Variants in STPG2 observed in about 807,000 individuals in gnomAD.
STPG2 encodes sperm-tail PG-rich repeat-containing protein 2.
STPG2 carries 56 observed loss-of-function variants against 54.2 expected under a neutral mutation model. The observed-to-expected ratio is 1.03, with a 90% CI of 0.83 to 1.29. The LOEUF is 1.29. Among genes scored for constraint, STPG2 ranks in the 50% most tolerant of loss-of-function variants. The pLI, the probability that STPG2 is intolerant of heterozygous loss-of-function variation, is 0.00. For missense variants in STPG2, 596 were observed against 544.9 expected (o/e 1.09, Z -0.93); for synonymous variants, 200 against 181.8 (o/e 1.10, Z -0.81).
chr4:97,841,741 G>A (rs183992815), intron 8 of STPG2, among the ~76,000 whole-genome samples: 18 of 151,872 alleles, frequency 1.2e-4, no homozygotes, highest in South Asian at 6.2e-4. Flanking sequence ...AATATCTGCT[G>A]CTTACTAGCT....
chr4:97,782,497 T>C (rs574321939), intron 9 of STPG2, among the ~76,000 whole-genome samples: 1 of 152,164 alleles, frequency 6.6e-6, no homozygotes, highest in African/African-American at 2.4e-5. Context: ...AAAATGGCGA[T>C]ACTGACCAAG....
intron 4 of STPG2, among the ~76,000 whole-genome samples, chr4:97,541,813 A>C (rs1483849205): frequency 6.6e-6 from 1 of 152,110 alleles, no homozygotes; most frequent in African/African-American, 2.4e-5. Flanking sequence ...CAGAAATAAT[A>C]CCACACATCT....
chr4:97,845,077 T>C (rs1482551035), intron 8 of STPG2, among the ~76,000 whole-genome samples: 1 of 151,962 alleles, frequency 6.6e-6, no homozygotes, highest in Non-Finnish European at 1.5e-5. Context: ...TGCTAGCATG[T>C]TTTTCTTTAA....
chr4:97,903,273 G>C lies in STPG2; in HGVS notation c.1044+40624C>G, dbSNP rs558755952. Among the ~76,000 whole-genome samples the C allele has an allele frequency of 3.3e-5, 5 of 152,180 alleles. 1 individual carries two copies. The East Asian group carries it at 7.7e-4, about 23-fold the overall frequency. On this transcript the variant is annotated intron_variant, in intron 8 of 10. Transcript: ENST00000295268. ...GATAATGGATATGATAATATGATTA[G>C]TTGTGGCAATTATTCTACAATGTAT...
chr4:97,943,806 C>T (rs181835924), intron 8 of STPG2, 91 bp downstream of exon 8: 2 of 929,214 alleles, frequency 2.2e-6, no homozygotes, highest in Non-Finnish European at 3.2e-6. Flanking sequence ...TACCAGTTAC[C>T]TCACTCAGGT....
At chr4:98,026,720 C>T (rs571800877) in intron 5 of STPG2, among the ~76,000 whole-genome samples, 1 of 152,184 alleles carries the variant, frequency 6.6e-6, no homozygotes, top group Non-Finnish European at 1.5e-5. Context: ...GCTATGCCCT[C>T]TCCAGTGAGA....
chr4:97,872,495 C>G (rs180978933), intron 8 of STPG2, among the ~76,000 whole-genome samples: 24 of 151,050 alleles, frequency 1.6e-4, no homozygotes, highest in Middle Eastern at 3.5e-3. Context: ...AGAAGACACT[C>G]TAAGTAGAAA....
At chr4:97,586,868 C>T (rs1733014561) in intron 10 of STPG2, among the ~76,000 whole-genome samples, 1 of 151,864 alleles carries the variant, frequency 6.6e-6, no homozygotes, top group Non-Finnish European at 1.5e-5. Flanking sequence ...AATCTTGGAG[C>T]ATCGGCAAGG....
chr4:97,903,279 G>A (rs576906950), intron 8 of STPG2, among the ~76,000 whole-genome samples: 1 of 151,964 alleles, frequency 6.6e-6, no homozygotes, highest in South Asian at 2.1e-4. Flanking sequence ...ATTAGTTGTG[G>A]CAATTATTCT....
intron 8 of STPG2, among the ~76,000 whole-genome samples, chr4:97,919,448 T>TA (rs35578226): frequency 0.37 from 56,137 of 150,246 alleles, 10,547 homozygotes; most frequent in Middle Eastern, 0.46. Flanking sequence ...ACAGAAAAAT[T>TA]AAAAAAAAGA....
intron 9 of STPG2, among the ~76,000 whole-genome samples, chr4:97,839,281 CAG>C (rs1728723034): frequency 6.6e-6 from 1 of 151,556 alleles, no homozygotes; most frequent in South Asian, 2.1e-4. Context: ...CTGTGAAAAA[CAG>C]AAACTAATGA....
intron 10 of STPG2, among the ~76,000 whole-genome samples, chr4:97,687,324 T>C (rs1448194433): frequency 6.6e-6 from 1 of 151,446 alleles, no homozygotes; most frequent in Non-Finnish European, 1.5e-5. Flanking sequence ...CTGAATCTTT[T>C]TTTTTTTTCT....
At chr4:97,843,330 A>AT (rs1455022946) in intron 8 of STPG2, among the ~76,000 whole-genome samples, 2 of 151,866 alleles carry the variant, frequency 1.3e-5, no homozygotes, top group Admixed American at 1.3e-4. Context: ...TCCTGGTCTC[A>AT]TTTTTTAGCT....
intron 8 of STPG2, among the ~76,000 whole-genome samples, chr4:97,934,485 T>C (rs1031826585): frequency 6.6e-6 from 1 of 152,210 alleles, no homozygotes; most frequent in Non-Finnish European, 1.5e-5. Flanking sequence ...CAGTATGATA[T>C]TAGCTGCAGG....
chr4:97,792,936 G>A (rs1369606544), intron 9 of STPG2, among the ~76,000 whole-genome samples: 4 of 152,088 alleles, frequency 2.6e-5, no homozygotes, highest in African/African-American at 9.7e-5. Context: ...CAGATTGCAT[G>A]AGGTCAGGAG....
chr4:97,619,990 A>G (rs541292121), intron 10 of STPG2, among the ~76,000 whole-genome samples: 8 of 151,772 alleles, frequency 5.3e-5, no homozygotes, highest in African/African-American at 1.9e-4. Flanking sequence ...TGCCTGGCTA[A>G]TTTTTTGTAT....
chr4:97,679,774 T>C (rs1350661992), intron 10 of STPG2, among the ~76,000 whole-genome samples: 2 of 152,216 alleles, frequency 1.3e-5, no homozygotes, highest in Admixed American at 1.3e-4. Context: ...AATGTTTAAG[T>C]CTTTAATCCA....
chr4:98,117,496 C>T lies in STPG2; in HGVS notation c.388-8191G>A, dbSNP rs76910420. Among the ~76,000 whole-genome samples, 870 of 152,010 alleles carry T rather than the reference C, an allele frequency of 5.7e-3. 9 individuals are homozygous for T. The highest frequency in any genetic ancestry group is 0.02 in the African/African-American group (834 of 41,486). ...GGGATGTTTTCAGCCATGATTTCTT[C>T]AAATATTCTCTTTTCTCCTTCCTCT... On this transcript the variant is annotated intron_variant, in intron 3 of 10. Transcript: ENST00000295268.
chr4:97,744,690 GA>G, intron 9 of STPG2, among the ~76,000 whole-genome samples: 1 of 151,260 alleles, frequency 6.6e-6, no homozygotes, highest in African/African-American at 2.4e-5. Context: ...GGCACAGCAG[GA>G]AATTAACAAC....
Sources: gnomAD v4.1 joint callset for allele counts (sites outside exome capture counted in the v4.1 genomes callset) on GRCh38, gnomAD v4.1.1 for gene constraint, MANE v1.5 for transcripts, NCBI Gene and HGNC (gene_info 2026-07-23, HGNC 2026-07-21) for gene names.